The following SLC24A4 variants were observed in gnomAD, a reference collection of about 807,000 sequenced individuals.
The protein encoded by SLC24A4 is sodium/potassium/calcium exchanger 4.
Under a neutral mutation model 79.0 loss-of-function variants are expected in SLC24A4, and 53 were observed. The observed-to-expected ratio is 0.67, with a 90% CI of 0.54 to 0.84. The LOEUF is 0.84. Ranked by LOEUF, SLC24A4 falls within the 40% of genes least tolerant of loss-of-function variation. The pLI is 0.00. For missense variants in SLC24A4, 731 were observed against 822.0 expected (o/e 0.89, Z 1.35); for synonymous variants, 323 against 323.8 (o/e 1.00, Z 0.03).
At chr14:92,399,273 G>T (rs1336567974) in intron 2 of SLC24A4, among the ~76,000 whole-genome samples, 2 of 152,142 alleles carry the variant, frequency 1.3e-5, no homozygotes, top group East Asian at 3.8e-4. Flanking sequence ...TTATGCGGCC[G>T]AGTCTCACCT....
rs527483664 is a variant in SLC24A4 at position 92,431,993 on chromosome 14, C to T, written c.242-1919C>T. ...TGCTCTGAGCTGCTAACTTCCCTCTCGGAGCCTCACCTGAAAACAGGAACG... is the reference window on the plus strand; with the variant it reads ...TGCTCTGAGCTGCTAACTTCCCTCTTGGAGCCTCACCTGAAAACAGGAACG... On this transcript the variant is annotated intron_variant, in intron 2 of 16. Coordinates refer to ENST00000532405, the MANE Select transcript of SLC24A4 (RefSeq NM_153646.4). Among the ~76,000 whole-genome samples, 3 of 152,296 alleles carry T rather than the reference C, an allele frequency of 2.0e-5. No homozygotes were observed. In the East Asian group the frequency reaches 5.8e-4, roughly 29 times the overall value.
intron 12 of SLC24A4, among the ~76,000 whole-genome samples, chr14:92,464,964 A>G (rs555264186): frequency 6.6e-6 from 1 of 152,270 alleles, no homozygotes; most frequent in African/African-American, 2.4e-5. Flanking sequence ...TCCAGCAGGC[A>G]CCTGCTCTGG....
intron 10 of SLC24A4, chr14:92,450,329 A>G (rs1429424864): frequency 7.9e-5 from 12 of 152,218 alleles, no homozygotes; most frequent in Non-Finnish European, 1.5e-5. Flanking sequence ...GCTTCCTCCC[A>G]TGTGCATTTT....
chr14:92,382,614 A>G (rs10143486), intron 2 of SLC24A4, among the ~76,000 whole-genome samples: 10,776 of 152,248 alleles, frequency 0.071, 468 homozygotes, highest in East Asian at 0.16. Flanking sequence ...CAGAAGCGAA[A>G]GGAAGAAAGG....
chr14:92,358,811 A>G (rs571252102), intron 2 of SLC24A4, among the ~76,000 whole-genome samples: 131 of 151,636 alleles, frequency 8.6e-4, no homozygotes, highest in African/African-American at 2.8e-3. Context: ...CAGCATCCCA[A>G]GTGGCTGGGA....
chr14:92,442,713 G>A lies in SLC24A4; in HGVS notation c.479G>A (p.Gly160Glu). 6.2e-7 allele frequency: 1 copy of A among 1,610,848 alleles called. No individual in the cohort carries two copies. The highest frequency in any genetic ancestry group is 8.5e-7 in the Non-Finnish European group (1 of 1,177,038). ...STPELFASVI[G>E]VFITHGDVGV... ...CAGGGTCTGTGTGTTTCCTTTCCAGGGGTGTTCATCACCCATGGGGACGTC... is the reference window on the plus strand; with the variant it reads ...CAGGGTCTGTGTGTTTCCTTTCCAGAGGTGTTCATCACCCATGGGGACGTC... Residue 160 changes from glycine to glutamate, a missense_variant and splice_region_variant, in exon 6 of 17, where the codon GGG (glycine) becomes GAG (glutamate). Physicochemically the swap from Gly to Glu is moderately conservative, Grantham distance 98. Coordinates refer to ENST00000532405, the MANE Select transcript of SLC24A4 (RefSeq NM_153646.4).
intron 2 of SLC24A4, among the ~76,000 whole-genome samples, chr14:92,350,225 G>A (rs957880425): frequency 2.6e-5 from 4 of 152,154 alleles, no homozygotes; most frequent in Non-Finnish European, 5.9e-5. Flanking sequence ...TAAGCACGGT[G>A]GGTTAGAGCC....
At chr14:92,412,434 T>G (rs557955951) in intron 2 of SLC24A4, among the ~76,000 whole-genome samples, 57 of 152,290 alleles carry the variant, frequency 3.7e-4, no homozygotes, top group African/African-American at 1.3e-3. Flanking sequence ...TAGGTATTGA[T>G]GTTAACCCTG....
intron 12 of SLC24A4, among the ~76,000 whole-genome samples, chr14:92,474,825 A>ATGTG (rs762949686): frequency 0.22 from 6,880 of 31,062 alleles, 540 homozygotes; most frequent in East Asian, 0.38. Context: ...ATATATACAT[A>ATGTG]TATATGTGTG....
chr14:92,442,839 C>T lies in SLC24A4; in HGVS notation c.582+23C>T, dbSNP rs376008717. 107 of 1,579,606 alleles carry T rather than the reference C, an allele frequency of 6.8e-5. 1 individual carries two copies. The highest frequency in any genetic ancestry group is 2.6e-4 in the African/African-American group (19 of 74,294). On this transcript the variant is annotated intron_variant, in intron 6 of 16. Transcript: ENST00000532405. Reference sequence around the variant, plus strand: ...CAGGTCAGTGGTTTCTCCCTGGGCCCGGCAGATGCATGCCCTGAAGCGTGG... The same window carrying T: ...CAGGTCAGTGGTTTCTCCCTGGGCCTGGCAGATGCATGCCCTGAAGCGTGG...
chr14:92,424,326 G>A (rs1891451887), intron 2 of SLC24A4, among the ~76,000 whole-genome samples: 1 of 152,180 alleles, frequency 6.6e-6, no homozygotes, highest in Admixed American at 6.5e-5. Context: ...AATAGGACTG[G>A]AGTCTTAGTC....
chr14:92,338,705 A>T (rs894604479), intron 2 of SLC24A4, among the ~76,000 whole-genome samples: 2 of 152,206 alleles, frequency 1.3e-5, no homozygotes, highest in African/African-American at 4.8e-5. Context: ...CTGTTTACTA[A>T]AATAAATGCA....
chr14:92,428,366 AGGACTG>A (rs1891681143), intron 2 of SLC24A4, among the ~76,000 whole-genome samples: 1 of 152,212 alleles, frequency 6.6e-6, no homozygotes. Flanking sequence ...AATGAGAAGT[AGGACTG>A]GGCTGTATGA....
chr14:92,476,887 TC>T (rs1338053783), intron 12 of SLC24A4, among the ~76,000 whole-genome samples: 1 of 152,248 alleles, frequency 6.6e-6, no homozygotes, highest in Non-Finnish European at 1.5e-5. Context: ...AGTACTTCAT[TC>T]CTTTTTATGG....
intron 12 of SLC24A4, among the ~76,000 whole-genome samples, chr14:92,475,941 C>T (rs191143959): frequency 2.0e-5 from 3 of 152,206 alleles, no homozygotes; most frequent in East Asian, 1.9e-4. Context: ...TGGAACGGGT[C>T]GGTTGAAGCA....
chr14:92,399,874 C>T (rs142131637), intron 2 of SLC24A4, among the ~76,000 whole-genome samples: 3 of 152,046 alleles, frequency 2.0e-5, no homozygotes, highest in Admixed American at 6.5e-5. Context: ...AGGGAGGAGT[C>T]GATGGCAGGT....
In SLC24A4 at chr14:92,498,772, A is replaced by G. The variant is rs777870620; in HGVS notation, c.*5144A>G. The G allele has an allele frequency of 3.3e-5, 5 of 152,260 alleles. No individual in the cohort carries two copies. The highest frequency in any genetic ancestry group is 7.3e-5 in the Non-Finnish European group (5 of 68,072). 9.4% of individuals were successfully genotyped at this position (152,260 alleles called of 1,614,324 possible). A position where few individuals can be genotyped will look rare whatever the true frequency, so the allele number is the denominator to read the frequency against. On this transcript the variant is annotated 3_prime_UTR_variant, in exon 17 of 17. Transcript: ENST00000532405. ...CTGGGCCTCCCAGAGTGCTGAGATT[A>G]CAGGCGTGAGCCACCGCACCTGGCC...
At chr14:92,379,492 C>T (rs1467699347) in intron 2 of SLC24A4, among the ~76,000 whole-genome samples, 3 of 152,058 alleles carry the variant, frequency 2.0e-5, no homozygotes, top group Non-Finnish European at 2.9e-5. Flanking sequence ...GGGAAGGACC[C>T]GGCTTCAGCC....
At chr14:92,352,451 TA>T (rs556421503) in intron 2 of SLC24A4, among the ~76,000 whole-genome samples, 361 of 152,292 alleles carry the variant, frequency 2.4e-3, no homozygotes, top group Non-Finnish European at 4.0e-3. Context: ...GATGAGGCCA[TA>T]AGGTTGTAGG....
Sources: gnomAD v4.1 joint callset for allele counts (sites outside exome capture counted in the v4.1 genomes callset) on GRCh38, gnomAD v4.1.1 for gene constraint, MANE v1.5 for transcripts, NCBI Gene and HGNC (gene_info 2026-07-23, HGNC 2026-07-21) for gene names.